TGOLN2: variants seen among roughly 807,000 people sequenced by gnomAD.
TGOLN2 encodes the protein trans-golgi network protein 2, also known as trans-Golgi network integral membrane protein 2.
Under a neutral mutation model 31.3 loss-of-function variants are expected in TGOLN2, and 19 were observed. The ratio of observed to expected loss-of-function variants is 0.61; its 90% CI spans 0.42 to 0.89. The LOEUF is 0.89. TGOLN2 is among the 40% of genes least tolerant of loss of function. The pLI is 0.00. For missense variants in TGOLN2, 540 were observed against 559.2 expected (o/e 0.97, Z 0.35); for synonymous variants, 222 against 226.7 (o/e 0.98, Z 0.19).
intron 3 of TGOLN2, among the ~76,000 whole-genome samples, chr2:85,323,627 G>T (rs1573047057): frequency 6.6e-6 from 1 of 152,294 alleles, no homozygotes; most frequent in East Asian, 1.9e-4. Flanking sequence ...ATCTGAAAAG[G>T]CAGTAGTCCA....
intron 3 of TGOLN2, 181 bp downstream of exon 3, chr2:85,324,734 G>A (rs986578856): frequency 3.9e-5 from 25 of 645,282 alleles, no homozygotes; most frequent in Admixed American, 3.3e-4. Flanking sequence ...TAACGTCACA[G>A]ATATGTGTAT....
Position 85,327,460 on chromosome 2 carries a change from T to G in TGOLN2, c.272A>C (p.Gln91Pro), listed in dbSNP as rs1044963. 1 of 1,606,142 alleles carries G rather than the reference T, an allele frequency of 6.2e-7. No individual in the cohort carries two copies. Among genetic ancestry groups the G allele is most frequent in the South Asian group, 1.1e-5 (1 of 90,702 alleles). The change falls in exon 2 of 4, where the codon CAA (glutamine) becomes CCA (proline). Residue 91 changes from glutamine to proline, a missense_variant. Physicochemically the swap from Gln to Pro is moderately conservative, Grantham distance 76 (BLOSUM62 -1). Coordinates refer to ENST00000377386, the MANE Select transcript of TGOLN2 (RefSeq NM_006464.4). ...ACCCGACTTGTTGGAGCTGTCTTTT[T>G]GGGTCTTTGCCTCCGCACCCGACTT... Reference protein sequence around the residue: ...PNKSGAEAKTQKDSSNKSGAE... With the variant: ...PNKSGAEAKTPKDSSNKSGAE...
rs772750550 is a variant in TGOLN2 at position 85,327,394 on chromosome 2, C to T, written c.338G>A (p.Gly113Asp). Reference protein sequence around the residue: ...KTQKGSTSKSGSEAQTTKDST... With the variant: ...KTQKGSTSKSDSEAQTTKDST... ...GTCTTTTGTGGTCTGCGCCTCCGAA[C>T]CCGACTTGCTAGTGCTGCCTTTTTG... The change falls in exon 2 of 4, where the codon GGT (glycine) becomes GAT (aspartate). Residue 113 changes from glycine to aspartate, a missense_variant. Coordinates refer to ENST00000377386, the MANE Select transcript of TGOLN2 (RefSeq NM_006464.4). 4 of 1,612,114 alleles carry T rather than the reference C, an allele frequency of 2.5e-6. No individual in the cohort carries two copies. In the South Asian group the frequency reaches 4.4e-5, roughly 18 times the overall value.
At chr2:85,327,725 C>G in intron 1 of TGOLN2, 40 bp from the exon 2 acceptor site, 1 of 1,312,352 alleles carries the variant, frequency 7.6e-7, no homozygotes. Flanking sequence ...GAAGGGCAGG[C>G]GGGAAGAAGG....
rs1558675366 is a variant in TGOLN2, at chr2:85,327,724, GC to G, written c.47-40del. The stretch of plus-strand genomic sequence containing the variant: ...ACGAGTTAGCACCGGAGAAGGGCAG[GC>G]GGGAAGAAGGAACTCCTCAGAACTG... On this transcript the variant is annotated intron_variant, in intron 1 of 3. Transcript: ENST00000377386. 1.9e-6 allele frequency: 3 copies of G among 1,576,254 alleles called. No homozygotes were observed. The South Asian group carries it at 3.4e-5, about 18-fold the overall frequency.
intron 3 of TGOLN2, among the ~76,000 whole-genome samples, chr2:85,323,823 C>T (rs1054809393): frequency 6.6e-6 from 1 of 152,184 alleles, no homozygotes; most frequent in Non-Finnish European, 1.5e-5. Context: ...ATGCTGAAAG[C>T]AGAAGGAAGG....
At chr2:85,324,777 C>G in intron 3 of TGOLN2, 138 bp downstream of exon 3, 3 of 754,902 alleles carry the variant, frequency 4.0e-6, no homozygotes, top group Non-Finnish European at 7.0e-6. Flanking sequence ...CTAAAAAGGG[C>G]GAATGCAACA....
Position 85,318,922 on chromosome 2 carries a change from G to C in TGOLN2, c.*3814C>G, listed in dbSNP as rs1384336323. The C allele has an allele frequency of 6.6e-6, 1 of 152,164 alleles. No homozygotes were observed. Among genetic ancestry groups the C allele is most frequent in the African/African-American group, 2.4e-5 (1 of 41,424 alleles). 9.4% of individuals were successfully genotyped at this position (152,164 alleles called of 1,614,324 possible). A position where few individuals can be genotyped will look rare whatever the true frequency, so the allele number is the denominator to read the frequency against. Reference sequence around the variant, plus strand: ...TAACATCTATGACTGAAGCACAGATGTGTCTAATAGAAATCACCCTTCACC... The same window carrying C: ...TAACATCTATGACTGAAGCACAGATCTGTCTAATAGAAATCACCCTTCACC... On this transcript the variant is annotated 3_prime_UTR_variant, in exon 4 of 4. Transcript: ENST00000377386.
rs1682755411 is a variant in TGOLN2, at chr2:85,326,956, C to G, written c.776G>C (p.Arg259Pro). The G allele has an allele frequency of 6.2e-7, 1 of 1,613,812 alleles. No individual in the cohort carries two copies. Among genetic ancestry groups the G allele is most frequent in the African/African-American group, 1.3e-5 (1 of 74,918 alleles). The change falls in exon 2 of 4, where the codon CGG becomes CCG. Residue 259 changes from arginine to proline, a missense_variant. Transcript: ENST00000377386. Reference protein sequence around the residue: ...PNKVVPEQPSRKDHSKPISNP... With the variant: ...PNKVVPEQPSPKDHSKPISNP... The stretch of plus-strand genomic sequence containing the variant: ...GGAGATGGGCTTGGAATGGTCTTTC[C>G]GGGAAGGCTGCTCTGGAACCACCTT...
rs372529848 is a variant in TGOLN2 at position 85,327,667 on chromosome 2, G to T, written c.65C>A (p.Ala22Asp). 1.4e-5 allele frequency: 23 copies of T among 1,611,962 alleles called. No individual in the cohort carries two copies. In the Admixed American group the frequency reaches 3.8e-4, roughly 27 times the overall value. The change falls in exon 2 of 4, where the codon GCC (alanine) becomes GAC (aspartate). Residue 22 changes from alanine to aspartate, a missense_variant. Coordinates refer to ENST00000377386, the MANE Select transcript of TGOLN2 (RefSeq NM_006464.4). The stretch of plus-strand genomic sequence containing the variant: ...TTCTTCTTGCTTGACGCTTTCGGTG[G>T]CCAAGAGCGGCACGGCTCCTGAAAT... The part of the protein sequence containing the change: ...VAAAGAVPLL[A>D]TESVKQEEAG...
In TGOLN2 at chr2:85,327,589, T is replaced by C; in HGVS notation, c.143A>G (p.Gln48Arg). Residue 48 changes from glutamine (Q) to arginine (R), a missense_variant, in exon 2 of 4, where the codon CAA (glutamine) becomes CGA (arginine). Physicochemically the swap from Gln to Arg is conservative, Grantham distance 43. Transcript: ENST00000377386. ...CGACTTGGTAGAGCCTCCAGGCCGT[T>C]GGCTCAAGCTGGGGTGGGTGGAGAC... is the stretch of plus-strand genomic sequence containing the variant. The part of the protein sequence containing the change: ...GNVSTHPSLS[Q>R]RPGGSTKSHP... 1.2e-6 allele frequency: 2 copies of C among 1,614,068 alleles called. No homozygotes were observed. The highest frequency in any genetic ancestry group is 1.7e-6 in the Non-Finnish European group (2 of 1,179,896).
Position 85,326,615 on chromosome 2 carries a change from T to C in TGOLN2, c.1117A>G (p.Asn373Asp). The C allele has an allele frequency of 6.2e-7, 1 of 1,614,028 alleles. No homozygotes were observed. Among genetic ancestry groups the C allele is most frequent in the Non-Finnish European group, 8.5e-7 (1 of 1,179,898 alleles). The change falls in exon 2 of 4, where the codon AAC becomes GAC. Residue 373 changes from asparagine to aspartate, a missense_variant. Physicochemically the swap from Asn to Asp is conservative, Grantham distance 23. Coordinates refer to ENST00000377386, the MANE Select transcript of TGOLN2 (RefSeq NM_006464.4). The part of the protein sequence containing the change: ...TGSEKDDLYP[N>D]GSGNGSAESS... ...TCCGCGCTGCCATTTCCAGAACCGT[T>C]CGGATAAAGGTCATCCTTCTCGCTA...
Position 85,322,531 on chromosome 2 carries a change from C to T in TGOLN2, c.*205G>A, listed in dbSNP as rs1682582870. 9.4e-7 allele frequency: 1 copy of T among 1,060,138 alleles called. No individual in the cohort carries two copies. Among genetic ancestry groups the T allele is most frequent in the African/African-American group, 1.6e-5 (1 of 61,372 alleles). The allele number at this position is 1,060,138 out of a possible 1,614,324, so 65.7% of individuals were successfully genotyped here. A position where few individuals can be genotyped will look rare whatever the true frequency, so the allele number is the denominator to read the frequency against. On this transcript the variant is annotated 3_prime_UTR_variant, in exon 4 of 4. Coordinates refer to ENST00000377386, the MANE Select transcript of TGOLN2 (RefSeq NM_006464.4). ...GCAGGTGCAAAGCCCAAAGCAGCCC[C>T]CTACCTCTGCCAGCCCAGACCCGCC... is the stretch of plus-strand genomic sequence containing the variant.
At chr2:85,326,438 AC>A (rs1050999615) in intron 2 of TGOLN2, 69 bp downstream of exon 2, 3 of 1,483,918 alleles carry the variant, frequency 2.0e-6, no homozygotes, top group Non-Finnish European at 2.8e-6. Flanking sequence ...GTGACGGGAT[AC>A]CCACCCACAC....
intron 2 of TGOLN2, among the ~76,000 whole-genome samples, chr2:85,326,060 A>C (rs1361640683): frequency 6.6e-6 from 1 of 151,728 alleles, no homozygotes; most frequent in African/African-American, 2.4e-5. Flanking sequence ...CTGGTATCGA[A>C]GACGCAGTAA....
rs1682499615 is a variant in TGOLN2, at chr2:85,320,139, G to A, written c.*2597C>T. The A allele has an allele frequency of 6.6e-6, 1 of 152,390 alleles. No individual in the cohort carries two copies. The highest frequency in any genetic ancestry group is 2.4e-5 in the African/African-American group (1 of 41,470). 9.4% of individuals were successfully genotyped at this position (152,390 alleles called of 1,614,324 possible). On this transcript the variant is annotated 3_prime_UTR_variant, in exon 4 of 4. Coordinates refer to ENST00000377386, the MANE Select transcript of TGOLN2 (RefSeq NM_006464.4). ...AAAGGCACAGATGGGCACCCCACAG[G>A]AGGGGCCTTGGCCAGGTTGGGATGC...
intron 2 of TGOLN2, among the ~76,000 whole-genome samples, chr2:85,325,969 G>C (rs1206910383): frequency 6.6e-6 from 1 of 152,216 alleles, no homozygotes; most frequent in East Asian, 1.9e-4. Context: ...TGATGAAAAA[G>C]TAACAGGTGT....
rs1221697838 is a variant in TGOLN2, at chr2:85,324,705, C to T, written c.1308+210G>A. On this transcript the variant is annotated intron_variant, in intron 3 of 3. Transcript: ENST00000377386. Reference sequence around the variant, plus strand: ...AGGGAGGTAGCTGCTGTAGAGTATTCCAAGGTCTCTGCTAGCTCTAACGTC... The same window carrying T: ...AGGGAGGTAGCTGCTGTAGAGTATTTCAAGGTCTCTGCTAGCTCTAACGTC... The T allele has an allele frequency of 8.2e-6, 5 of 607,716 alleles. No homozygotes were observed. The East Asian group carries it at 1.4e-4, about 17-fold the overall frequency. The allele number at this position is 607,716 out of a possible 1,614,324, so 37.6% of individuals were successfully genotyped here.
In TGOLN2 at chr2:85,321,752, C is replaced by T. The variant is rs1682558189; in HGVS notation, c.*984G>A. On this transcript the variant is annotated 3_prime_UTR_variant, in exon 4 of 4. Transcript: ENST00000377386. ...AGTCTATTTTGTCTGTTTTAGGCAA[C>T]AAAGGCAAAATGGACTTTGTGGGAA... 6.6e-6 allele frequency: 1 copy of T among 152,142 alleles called. No homozygotes were observed. Among genetic ancestry groups the T allele is most frequent in the African/African-American group, 2.4e-5 (1 of 41,428 alleles). The allele number at this position is 152,142 out of a possible 1,614,324, so 9.4% of individuals were successfully genotyped here.
Sources: gnomAD v4.1 joint callset for allele counts (sites outside exome capture counted in the v4.1 genomes callset) on GRCh38, gnomAD v4.1.1 for gene constraint, MANE v1.5 for transcripts, NCBI Gene and HGNC (gene_info 2026-07-23, HGNC 2026-07-21) for gene names.